The following PREX1 variants were observed in gnomAD, a reference collection of about 807,000 sequenced individuals.
PREX1 encodes the protein phosphatidylinositol-3,4,5-trisphosphate dependent Rac exchange factor 1.
A neutral mutation model predicts 198.3 loss-of-function variants in PREX1; 41 were observed. The observed-to-expected ratio is 0.21, with a 90% confidence interval of 0.16 to 0.27. The LOEUF (loss-of-function observed/expected upper bound fraction) is 0.27. Among genes scored for constraint, PREX1 ranks in the 10% least tolerant of loss-of-function variants. PREX1 has a pLI of 1.00. For missense variants in PREX1, 1,620 were observed against 2,200.7 expected (o/e 0.74, Z 5.28); for synonymous variants, 843 against 887.2 (o/e 0.95, Z 0.89).
chr20:48,815,822 C>G (rs1201175030), intron 1 of PREX1, among the ~76,000 whole-genome samples: 2 of 152,150 alleles, frequency 1.3e-5, no homozygotes, highest in East Asian at 3.9e-4. Flanking sequence ...CCAGCCTGGC[C>G]AATGTGGCGA....
At chr20:48,762,696 A>C (rs2090187460) in intron 1 of PREX1, among the ~76,000 whole-genome samples, 2 of 143,976 alleles carry the variant, frequency 1.4e-5, no homozygotes, top group South Asian at 4.3e-4. Context: ...AATGGTATGA[A>C]GTTTCTTTTT....
chr20:48,677,890 G>A (rs2089720414), intron 13 of PREX1, among the ~76,000 whole-genome samples: 1 of 152,118 alleles, frequency 6.6e-6, no homozygotes, highest in Non-Finnish European at 1.5e-5. Context: ...GGAGGCTGAT[G>A]CAGGAGAATC....
chr20:48,804,888 G>A (rs914923723), intron 1 of PREX1, among the ~76,000 whole-genome samples: 1 of 152,234 alleles, frequency 6.6e-6, no homozygotes, highest in Non-Finnish European at 1.5e-5. Context: ...GGGGCCGCAA[G>A]AGGAGTGGCG....
intron 3 of PREX1, among the ~76,000 whole-genome samples, chr20:48,739,134 T>C (rs970088366): frequency 2.0e-5 from 3 of 151,856 alleles, no homozygotes; most frequent in Non-Finnish European, 4.4e-5. Context: ...CCTCAAACTC[T>C]CTCTATCACT....
At chr20:48,873,554 CAAAA>C in the PREX1 span, among the ~76,000 whole-genome samples, 25 of 70,100 alleles carry the variant, frequency 3.6e-4, no homozygotes, top group African/African-American at 1.0e-3. Flanking sequence ...AGTAAAAATA[CAAAA>C]AAAAAAAAAA....
chr20:48,854,574 C>A, the PREX1 span, among the ~76,000 whole-genome samples: 1 of 151,954 alleles, frequency 6.6e-6, no homozygotes, highest in Non-Finnish European at 1.5e-5. Flanking sequence ...AAAATAAAAA[C>A]TAAAAAAAAC....
upstream of PREX1, among the ~76,000 whole-genome samples, chr20:48,832,212 T>A (rs548610878): frequency 1.3e-5 from 2 of 152,228 alleles, no homozygotes; most frequent in Non-Finnish European, 2.9e-5. Context: ...TCCGTTGCCA[T>A]GTACTTTGCA....
intron 15 of PREX1, among the ~76,000 whole-genome samples, chr20:48,662,531 T>G (rs1219764860): frequency 1.3e-5 from 2 of 152,112 alleles, no homozygotes; most frequent in African/African-American, 4.8e-5. Context: ...CATGCTGGGG[T>G]GGCTGTGGGG....
chr20:48,881,153 C>T, the PREX1 span, among the ~76,000 whole-genome samples: 3 of 152,100 alleles, frequency 2.0e-5, no homozygotes, highest in East Asian at 1.9e-4. Flanking sequence ...AAATATTCAG[C>T]GTGGGGGAGT....
At chr20:48,708,448 GA>G in intron 5 of PREX1, 27 bp from the exon 6 acceptor site, 1 of 1,611,732 alleles carries the variant, frequency 6.2e-7, no homozygotes, top group Non-Finnish European at 8.5e-7. Flanking sequence ...GTGGGGAGAA[GA>G]AAGCAAGACA....
intron 28 of PREX1, 53 bp downstream of exon 28, chr20:48,642,354 A>G (rs2089421013): frequency 6.2e-7 from 1 of 1,603,190 alleles, no homozygotes. Context: ...GGCCCTCCCC[A>G]GGTGTGACAG....
At chr20:48,849,924 C>T in the PREX1 span, among the ~76,000 whole-genome samples, 3 of 152,168 alleles carry the variant, frequency 2.0e-5, no homozygotes, top group Non-Finnish European at 4.4e-5. Context: ...TATGCTCACT[C>T]TGGAGCCAGA....
chr20:48,743,979 G>A (rs1198405845), intron 3 of PREX1, among the ~76,000 whole-genome samples: 1 of 150,772 alleles, frequency 6.6e-6, no homozygotes, highest in Non-Finnish European at 1.5e-5. Context: ...ATCCCTTGGA[G>A]AAGTGAGTTA....
chr20:48,683,803 C>T (rs951457007), intron 10 of PREX1, among the ~76,000 whole-genome samples: 8 of 152,184 alleles, frequency 5.3e-5, no homozygotes, highest in South Asian at 2.1e-4. Context: ...CTACGTGGGC[C>T]GAGGAAAACA....
At chr20:48,780,262 G>T in intron 1 of PREX1, among the ~76,000 whole-genome samples, 1 of 152,124 alleles carries the variant, frequency 6.6e-6, no homozygotes. Flanking sequence ...TTTCAGGGCT[G>T]AGGCAGGGAA....
At chr20:48,855,412 G>A in the PREX1 span, among the ~76,000 whole-genome samples, 3 of 152,100 alleles carry the variant, frequency 2.0e-5, no homozygotes, top group African/African-American at 7.2e-5. Flanking sequence ...GCGGCAGGGG[G>A]ACAGATGAAA....
rs1159107194 is a variant in PREX1 at position 48,661,444 on chromosome 20, A to AATAT, written c.1739-1387_1739-1384dup. On this transcript the variant is annotated intron_variant, in intron 15 of 39. Coordinates refer to ENST00000371941, the MANE Select transcript of PREX1 (RefSeq NM_020820.4). Reference sequence around the variant, plus strand: ...CAAAAAAAAAAAAAAAAAAAAAAAAAATATATATATATATATATATATATA... The same window carrying AATAT: ...CAAAAAAAAAAAAAAAAAAAAAAAAAATATATATATATATATATATATATATATA... Among the ~76,000 whole-genome samples the AATAT allele has an allele frequency of 7.2e-3, 357 of 49,526 alleles. 4 individuals are homozygous for AATAT. The highest frequency in any genetic ancestry group is 0.013 in the African/African-American group (71 of 5,378). 32.5% of individuals were successfully genotyped at this position (49,526 alleles called of 152,430 possible). A position where few individuals can be genotyped will look rare whatever the true frequency, so the allele number is the denominator to read the frequency against.
chr20:48,761,956 CAG>C (rs2090182411), intron 1 of PREX1, among the ~76,000 whole-genome samples: 1 of 152,196 alleles, frequency 6.6e-6, no homozygotes. Context: ...TGCTGTAGAG[CAG>C]AGTGATAGCC....
chr20:48,711,948 G>C (rs574772643), intron 5 of PREX1, among the ~76,000 whole-genome samples: 1 of 152,324 alleles, frequency 6.6e-6, no homozygotes, highest in Non-Finnish European at 1.5e-5. Context: ...GCACACCTCA[G>C]GGTTGGCAGA....
Sources: gnomAD v4.1 joint callset for allele counts (sites outside exome capture counted in the v4.1 genomes callset) on GRCh38, gnomAD v4.1.1 for gene constraint, MANE v1.5 for transcripts, NCBI Gene and HGNC (gene_info 2026-07-23, HGNC 2026-07-21) for gene names.